The following ZNF503 variants were observed in gnomAD, a reference collection of about 807,000 sequenced individuals.
ZNF503 encodes NocA-like zinc finger 2.
ZNF503 carries 15 observed loss-of-function variants against 34.4 expected under a neutral mutation model. The ratio of observed to expected loss-of-function variants is 0.44; its 90% CI spans 0.29 to 0.67. The LOEUF is 0.67. Ranked by LOEUF, ZNF503 falls within the 30% of genes least tolerant of loss-of-function variation. The probability of loss-of-function intolerance (pLI) is 0.13; values close to 1 mark genes in which losing one functional copy is unlikely to be tolerated. For missense variants in ZNF503, 1,007 were observed against 926.8 expected, an observed-to-expected ratio of 1.09 and a Z score of -1.12; for synonymous variants, 580 against 456.8, an observed-to-expected ratio of 1.27 and a Z score of -3.44.
chr10:75,383,464 G>T, the ZNF503 span, among the ~76,000 whole-genome samples: 2 of 152,112 alleles, frequency 1.3e-5, no homozygotes, highest in African/African-American at 4.8e-5. Context: ...CAGGGCAGAG[G>T]TCATCCCACC....
the ZNF503 span, among the ~76,000 whole-genome samples, chr10:75,381,712 G>T: frequency 1.4e-5 from 2 of 147,498 alleles, no homozygotes; most frequent in Non-Finnish European, 3.0e-5. Context: ...GCTGCCTCCA[G>T]ATTTCAATTG....
the ZNF503 span, among the ~76,000 whole-genome samples, chr10:75,352,982 C>T: frequency 1.3e-5 from 2 of 152,302 alleles, no homozygotes; most frequent in East Asian, 1.9e-4. Context: ...GGAGCACCCA[C>T]ACAACCTCTC....
chr10:75,362,494 G>T, the ZNF503 span, among the ~76,000 whole-genome samples: 1 of 151,986 alleles, frequency 6.6e-6, no homozygotes, highest in Non-Finnish European at 1.5e-5. Flanking sequence ...CACCCTTTGG[G>T]TCTCTAACTT....
chr10:75,297,716 A>T, the ZNF503 span, among the ~76,000 whole-genome samples: 2 of 152,204 alleles, frequency 1.3e-5, no homozygotes, highest in African/African-American at 4.8e-5. Context: ...CATTTAAGAA[A>T]CTTTTTATTG....
the ZNF503 span, among the ~76,000 whole-genome samples, chr10:75,289,177 A>G: frequency 6.6e-6 from 1 of 152,178 alleles, no homozygotes; most frequent in South Asian, 2.1e-4. Context: ...AAGACTGTTT[A>G]TGTTAGGGGC....
At chr10:75,365,223 A>G in the ZNF503 span, among the ~76,000 whole-genome samples, 2 of 152,170 alleles carry the variant, frequency 1.3e-5, no homozygotes, top group Admixed American at 6.5e-5. Context: ...ATCTCAGCTC[A>G]CTGCAACCTC....
the ZNF503 span, among the ~76,000 whole-genome samples, chr10:75,375,126 C>A: frequency 2.0e-4 from 31 of 152,046 alleles, no homozygotes; most frequent in Non-Finnish European, 3.5e-4. Context: ...TTTCAGAGCA[C>A]CCCTCTTTTT....
At position 75,401,763 on chromosome 10, in the gene ZNF503, C is replaced by T. The variant is rs1176126473; in HGVS notation, c.-344G>A. The T allele has an allele frequency of 1.2e-5, 4 of 334,840 alleles. No homozygotes were observed. Among genetic ancestry groups the T allele is most frequent in the African/African-American group, 2.2e-5 (1 of 45,104 alleles). 20.7% of individuals were successfully genotyped at this position (334,840 alleles called of 1,614,324 possible). On this transcript the variant is annotated 5_prime_UTR_variant, in exon 1 of 2. Transcript: ENST00000372524. Reference sequence around the variant, plus strand: ...AGCCGCTGCGTGTCCAGCCGGGGCTCTGGCGAGGAAACTCACTTCAAAAGC... The same window carrying T: ...AGCCGCTGCGTGTCCAGCCGGGGCTTTGGCGAGGAAACTCACTTCAAAAGC...
rs148870556 is a variant in ZNF503 at position 75,399,031 on chromosome 10, C to T, written c.1659G>A (p.Ser553=). Residue 553 remains serine, a synonymous_variant, in exon 2 of 2, where the codon TCG becomes TCA. Coordinates refer to ENST00000372524, the MANE Select transcript of ZNF503 (RefSeq NM_032772.6). ...TAFPGTDKLL[S]GYPSSSSLAS... Reference sequence around the variant, plus strand: ...CCAGAGACGACGAGCTGGGGTAGCCCGACAGCAGTTTGTCTGTCCCGGGAA... The same window carrying T: ...CCAGAGACGACGAGCTGGGGTAGCCTGACAGCAGTTTGTCTGTCCCGGGAA... 1.9e-6 allele frequency: 3 copies of T among 1,611,350 alleles called. No homozygotes were observed. The highest frequency in any genetic ancestry group is 2.5e-6 in the Non-Finnish European group (3 of 1,179,742).
In ZNF503 at chr10:75,400,248, C is replaced by A. The variant is rs986810449; in HGVS notation, c.442G>T (p.Gly148Cys). The change falls in exon 2 of 2, where the codon GGC becomes TGC. Residue 148 changes from glycine (G) to cysteine (C), a missense_variant. Coordinates refer to ENST00000372524, the MANE Select transcript of ZNF503 (RefSeq NM_032772.6). ...TCCTTGTCGCCCGCAGCACCGCCGC[C>A]GGCACCGCCCGCGCCGCCCCCGTTG... ...ASNGGGAGGA[G>C]GGAAGDKDTK... is the part of the protein sequence containing the mutation. The A allele has an allele frequency of 6.2e-7, 1 of 1,612,136 alleles. No homozygotes were observed. The highest frequency in any genetic ancestry group is 2.2e-5 in the East Asian group (1 of 44,832).
chr10:75,369,027 A>C, the ZNF503 span, among the ~76,000 whole-genome samples: 8 of 152,364 alleles, frequency 5.3e-5, no homozygotes, highest in African/African-American at 1.7e-4. Flanking sequence ...TACTATGCAA[A>C]CATCAATAGG....
the ZNF503 span, among the ~76,000 whole-genome samples, chr10:75,352,350 T>C: frequency 8.5e-6 from 1 of 117,120 alleles, no homozygotes; most frequent in East Asian, 2.2e-4. Context: ...CCCTGGCCTC[T>C]AGAGACCTGG....
the ZNF503 span, among the ~76,000 whole-genome samples, chr10:75,346,858 T>C: frequency 4.6e-5 from 7 of 150,990 alleles, 3 homozygotes; most frequent in African/African-American, 1.7e-4. Flanking sequence ...CCCAGGCTGG[T>C]TTCAAACTCC....
the ZNF503 span, among the ~76,000 whole-genome samples, chr10:75,351,495 A>G: frequency 6.6e-6 from 1 of 152,172 alleles, no homozygotes; most frequent in African/African-American, 2.4e-5. Flanking sequence ...TTTGAGGCAC[A>G]ACTGAATTTA....
At chr10:75,343,898 CG>C in the ZNF503 span, among the ~76,000 whole-genome samples, 7 of 152,130 alleles carry the variant, frequency 4.6e-5, no homozygotes, top group African/African-American at 2.4e-5. Context: ...GTGAATTGTG[CG>C]GGGGGTGACA....
At chr10:75,310,554 G>A in the ZNF503 span, among the ~76,000 whole-genome samples, 18 of 152,202 alleles carry the variant, frequency 1.2e-4, 1 homozygote, top group Admixed American at 3.3e-4. Flanking sequence ...GCTAAGTGAG[G>A]AGCTTATATT....
chr10:75,314,770 T>C, the ZNF503 span, among the ~76,000 whole-genome samples: 1 of 152,194 alleles, frequency 6.6e-6, no homozygotes, highest in Admixed American at 6.5e-5. Flanking sequence ...TATTAAAAAT[T>C]GCCAACCAAG....
At chr10:75,310,537 A>G in the ZNF503 span, among the ~76,000 whole-genome samples, 1 of 152,270 alleles carries the variant, frequency 6.6e-6, no homozygotes, top group Non-Finnish European at 1.5e-5. Flanking sequence ...CACTCCCAGT[A>G]GCAAAGGCTA....
the ZNF503 span, among the ~76,000 whole-genome samples, chr10:75,294,815 G>C: frequency 2.6e-5 from 4 of 152,160 alleles, no homozygotes; most frequent in Admixed American, 1.3e-4. Context: ...GCGCGCGGAG[G>C]GGGTGTCAGC....
Sources: allele counts gnomAD v4.1 joint callset (sites outside exome capture counted in the v4.1 genomes callset), GRCh38; gene constraint gnomAD v4.1.1; transcripts MANE v1.5; gene names NCBI Gene and HGNC (gene_info 2026-07-23, HGNC 2026-07-21).